Variants in GRAMD1B observed in about 807,000 individuals in gnomAD.
GRAMD1B encodes the protein GRAM domain containing 1B.
A neutral mutation model predicts 99.7 loss-of-function variants in GRAMD1B; 37 were observed. That is an observed-to-expected ratio of 0.37 (90% CI 0.29 to 0.49). GRAMD1B has a LOEUF of 0.49. Among genes scored for constraint, GRAMD1B ranks in the 20% least tolerant of loss-of-function variants. The pLI is 0.98. For synonymous variants in GRAMD1B, 427 were observed against 387.6 expected, an observed-to-expected ratio of 1.10 and a Z score of -1.19; for missense variants, 888 against 1,009.2, an observed-to-expected ratio of 0.88 and a Z score of 1.63.
intron 6 of GRAMD1B, among the ~76,000 whole-genome samples, chr11:123,595,429 G>A (rs1951156300): frequency 6.6e-6 from 1 of 152,084 alleles, no homozygotes; most frequent in African/African-American, 2.4e-5. Context: ...GAGTAGCTGG[G>A]ATTACAGGCA....
chr11:123,594,962 G>A (rs1271753720), intron 6 of GRAMD1B, 124 bp downstream of exon 6: 4 of 651,388 alleles, frequency 6.1e-6, no homozygotes, highest in Admixed American at 5.0e-5. Context: ...ACAAAAGCAT[G>A]CCTGAGTCTT....
At chr11:123,619,288 T>C in intron 19 of GRAMD1B, 64 bp downstream of exon 19, 8 of 1,542,704 alleles carry the variant, frequency 5.2e-6, no homozygotes, top group Non-Finnish European at 7.0e-6. Flanking sequence ...TCCCTTATGC[T>C]GTGAGAAAGA....
At chr11:123,611,936 C>A (rs1415366295) in intron 14 of GRAMD1B, among the ~76,000 whole-genome samples, 2 of 152,104 alleles carry the variant, frequency 1.3e-5, no homozygotes, top group Non-Finnish European at 2.9e-5. Context: ...AAGAGCAGGG[C>A]TGCTGCATAG....
chr11:123,494,318 G>GTT (rs1251325044), intron 2 of GRAMD1B, among the ~76,000 whole-genome samples: 1 of 151,814 alleles, frequency 6.6e-6, no homozygotes, highest in East Asian at 1.9e-4. Flanking sequence ...TCATGGAAAT[G>GTT]TTTTGATCTG....
At chr11:123,560,287 G>A (rs1946592344) in intron 2 of GRAMD1B, 2 of 1,138,394 alleles carry the variant, frequency 1.8e-6, no homozygotes, top group Non-Finnish European at 2.2e-6. Flanking sequence ...GTCTGTGAGG[G>A]AGTCAGAGGG....
intron 9 of GRAMD1B, among the ~76,000 whole-genome samples, chr11:123,604,695 T>C (rs1952461339): frequency 6.6e-6 from 1 of 152,042 alleles, no homozygotes. Flanking sequence ...TTCCGGAGAG[T>C]TGTCAAGCAT....
chr11:123,422,570 G>A (rs1238142032), intron 1 of GRAMD1B, among the ~76,000 whole-genome samples: 1 of 152,174 alleles, frequency 6.6e-6, no homozygotes, highest in Non-Finnish European at 1.5e-5. Context: ...GAACAAACCA[G>A]GCAACTGTTT....
intron 2 of GRAMD1B, among the ~76,000 whole-genome samples, chr11:123,555,862 T>C (rs1019352503): frequency 3.3e-5 from 5 of 151,782 alleles, no homozygotes; most frequent in African/African-American, 1.2e-4. Context: ...GCCCCCTGAG[T>C]AGCTGGGATT....
At chr11:123,420,562 T>C (rs1214557306) in intron 1 of GRAMD1B, among the ~76,000 whole-genome samples, 1 of 152,164 alleles carries the variant, frequency 6.6e-6, no homozygotes, top group African/African-American at 2.4e-5. Flanking sequence ...CCCAAGGAAA[T>C]TTAGGGAACA....
chr11:123,398,394 C>A (rs566379126), intron 1 of GRAMD1B, among the ~76,000 whole-genome samples: 1 of 152,298 alleles, frequency 6.6e-6, no homozygotes, highest in Admixed American at 6.5e-5. Flanking sequence ...TAAGAGCTCA[C>A]CCTAATAACC....
At chr11:123,588,653 G>A (rs943034444) in intron 4 of GRAMD1B, among the ~76,000 whole-genome samples, 20 of 152,174 alleles carry the variant, frequency 1.3e-4, no homozygotes, top group African/African-American at 4.6e-4. Flanking sequence ...TGACATGCAG[G>A]GCGAAGAGAA....
intron 2 of GRAMD1B, among the ~76,000 whole-genome samples, chr11:123,528,166 G>A (rs927134303): frequency 8.6e-5 from 13 of 151,932 alleles, no homozygotes; most frequent in African/African-American, 3.1e-4. Flanking sequence ...CTACTCTCTG[G>A]TACTCAGGTA....
intron 1 of GRAMD1B, among the ~76,000 whole-genome samples, chr11:123,387,500 C>A (rs962218244): frequency 6.6e-6 from 1 of 152,056 alleles, no homozygotes; most frequent in African/African-American, 2.4e-5. Context: ...ATGGGCATTG[C>A]AGGGAGAGTG....
At chr11:123,457,946 G>C (rs1237348339) in intron 1 of GRAMD1B, among the ~76,000 whole-genome samples, 2 of 152,128 alleles carry the variant, frequency 1.3e-5, no homozygotes, top group Non-Finnish European at 2.9e-5. Flanking sequence ...GAACTCCTGG[G>C]CTCAAGGAAT....
intron 17 of GRAMD1B, 59 bp from the exon 18 acceptor site, chr11:123,618,634 G>A (rs763103738): frequency 1.0e-6 from 1 of 974,120 alleles, no homozygotes; most frequent in Non-Finnish European, 1.6e-6. Context: ...GATGGGGGAT[G>A]TCCTAGGCTC....
Position 123,623,225 on chromosome 11 carries a change from C to T in GRAMD1B, c.*630C>T, listed in dbSNP as rs559138830. 6.6e-6 allele frequency: 1 copy of T among 152,246 alleles called. No individual in the cohort carries two copies. Among genetic ancestry groups the T allele is most frequent in the Non-Finnish European group, 1.5e-5 (1 of 68,042 alleles). The allele number at this position is 152,246 out of a possible 1,614,324, so 9.4% of individuals were successfully genotyped here. A position where few individuals can be genotyped will look rare whatever the true frequency, so the allele number is the denominator to read the frequency against. Reference sequence around the variant, plus strand: ...TGTGTGGTGGCAGGCTCCCGAGACTCGTGTTCTGAAGGATACTCTCCTCCA... The same window carrying T: ...TGTGTGGTGGCAGGCTCCCGAGACTTGTGTTCTGAAGGATACTCTCCTCCA... On this transcript the variant is annotated 3_prime_UTR_variant, in exon 20 of 20. Transcript: ENST00000635736.
At chr11:123,462,111 C>T (rs1022138229) in intron 1 of GRAMD1B, among the ~76,000 whole-genome samples, 12 of 151,886 alleles carry the variant, frequency 7.9e-5, no homozygotes, top group East Asian at 1.9e-4. Context: ...GGACCACAGG[C>T]GCCCGCCACC....
chr11:123,409,731 A>G (rs1289442644), intron 1 of GRAMD1B, among the ~76,000 whole-genome samples: 1 of 152,218 alleles, frequency 6.6e-6, no homozygotes, highest in Non-Finnish European at 1.5e-5. Context: ...CCTGTGAAAA[A>G]TAAAGAAGGG....
Position 123,410,182 on chromosome 11 carries a change from A to C in GRAMD1B, c.-176+51383A>C, listed in dbSNP as rs116339736. ...AGAAGAGAAGATTTTGGGACAAGAA[A>C]AAAGGAGCTTATAAAAGCAAAAACA... On this transcript the variant is annotated intron_variant, in intron 1 of 20. Coordinates refer to the GRAMD1B transcript ENST00000638157. 6.0e-3 allele frequency among the ~76,000 whole-genome samples: 907 copies of C among 152,272 alleles called. 6 individuals are homozygous for C. The highest frequency in any genetic ancestry group is 0.021 in the African/African-American group (874 of 41,550).
Sources: gnomAD v4.1 joint callset for allele counts (sites outside exome capture counted in the v4.1 genomes callset) on GRCh38, gnomAD v4.1.1 for gene constraint, MANE v1.5 for transcripts, NCBI Gene and HGNC (gene_info 2026-07-23, HGNC 2026-07-21) for gene names.